SGK3: variants seen among roughly 807,000 people sequenced by gnomAD.
SGK3 encodes the protein serum/glucocorticoid regulated kinase family member 3.
Under a neutral mutation model 68.5 loss-of-function variants are expected in SGK3, and 47 were observed. That is an observed-to-expected ratio of 0.69 (90% CI 0.54 to 0.87). The LOEUF is 0.87. SGK3 is among the 40% of genes least tolerant of loss of function. The pLI is 0.00. For synonymous variants in SGK3, 181 were observed against 189.1 expected (o/e 0.96, Z 0.35); for missense variants, 479 against 575.5 (o/e 0.83, Z 1.72).
In SGK3 at chr8:66,859,845, T is replaced by A. The variant is rs1317422942; in HGVS notation, c.*264T>A. ...TATTATTCTTAGCATTAACCTATTT[T>A]TAAAGAAACCTTTTTTGCTATTGAC... On this transcript the variant is annotated 3_prime_UTR_variant, in exon 17 of 17. Transcript: ENST00000521198. The A allele has an allele frequency of 6.8e-6, 2 of 294,234 alleles. No homozygotes were observed. The highest frequency in any genetic ancestry group is 9.7e-5 in the Admixed American group (2 of 20,586). The allele number at this position is 294,234 out of a possible 1,614,324, so 18.2% of individuals were successfully genotyped here. A position where few individuals can be genotyped will look rare whatever the true frequency, so the allele number is the denominator to read the frequency against.
chr8:66,784,691 A>G (rs1262112000), intron 1 of SGK3, among the ~76,000 whole-genome samples: 1 of 152,316 alleles, frequency 6.6e-6, no homozygotes, highest in East Asian at 1.9e-4. Context: ...ATGATGAAGG[A>G]AAAAATCCTT....
At chr8:66,777,151 T>A (rs1401094069) in intron 1 of SGK3, among the ~76,000 whole-genome samples, 1 of 152,262 alleles carries the variant, frequency 6.6e-6, no homozygotes, top group East Asian at 1.9e-4. Context: ...TGTTAGTTGC[T>A]GACTCTTCCC....
chr8:66,821,279 A>G (rs1316082594), intron 5 of SGK3, among the ~76,000 whole-genome samples: 2 of 151,826 alleles, frequency 1.3e-5, no homozygotes, highest in African/African-American at 4.8e-5. Flanking sequence ...ATGTCTGTGT[A>G]TCTTTGGTAA....
rs1809501653 is a variant in SGK3 at position 66,835,788 on chromosome 8, A to G, written c.551A>G (p.Asp184Gly). The G allele has an allele frequency of 6.2e-7, 1 of 1,612,500 alleles. No homozygotes were observed. Among genetic ancestry groups the G allele is most frequent in the Non-Finnish European group, 8.5e-7 (1 of 1,179,626 alleles). The change falls in exon 9 of 17, where the codon GAT becomes GGT. Residue 184 changes from aspartate to glycine, a missense_variant. Coordinates refer to ENST00000521198, the MANE Select transcript of SGK3 (RefSeq NM_001033578.3). ...GKVLLAKRKL[D>G]GKFYAVKVLQ... Reference sequence around the variant, plus strand: ...GTTCTTCTTGCAAAACGGAAACTGGATGGAAAATTTTATGCTGTCAAAGTG... The same window carrying G: ...GTTCTTCTTGCAAAACGGAAACTGGGTGGAAAATTTTATGCTGTCAAAGTG...
In SGK3 at chr8:66,815,416, A is replaced by G. The variant is rs540433113; in HGVS notation, c.329+1488A>G. 7.6e-4 allele frequency among the ~76,000 whole-genome samples: 115 copies of G among 152,254 alleles called. 1 individual carries two copies. Among genetic ancestry groups the G allele is most frequent in the Non-Finnish European group, 1.2e-3 (79 of 68,014 alleles). On this transcript the variant is annotated intron_variant, in intron 5 of 16. Transcript: ENST00000521198. ...GGCATGAAATTTGGTAGGATACTTG[A>G]ACTCACAGTTCCCTTGTCTAGTCTC...
At position 66,781,050 on chromosome 8, in the gene SGK3, C is replaced by A. The variant is rs548762238; in HGVS notation, c.-121-12566C>A. Among the ~76,000 whole-genome samples, 3 of 152,256 alleles carry A rather than the reference C, an allele frequency of 2.0e-5. No individual in the cohort carries two copies. The East Asian group carries it at 5.8e-4, about 29-fold the overall frequency. On this transcript the variant is annotated intron_variant, in intron 1 of 16. Coordinates refer to ENST00000521198, the MANE Select transcript of SGK3 (RefSeq NM_001033578.3). Reference sequence around the variant, plus strand: ...TTCAGAACCAGCTTGACCGCAGGCCCCATCCATCTGCCAGTCACCACAGCC... The same window carrying A: ...TTCAGAACCAGCTTGACCGCAGGCCACATCCATCTGCCAGTCACCACAGCC...
intron 16 of SGK3, among the ~76,000 whole-genome samples, chr8:66,856,115 T>C (rs1810496826): frequency 6.6e-6 from 1 of 152,000 alleles, no homozygotes; most frequent in African/African-American, 2.4e-5. Flanking sequence ...TCACCCAGGC[T>C]GGAGTGCAGT....
intron 4 of SGK3, among the ~76,000 whole-genome samples, chr8:66,808,392 T>C (rs1164805046): frequency 1.3e-5 from 2 of 152,204 alleles, no homozygotes; most frequent in Non-Finnish European, 2.9e-5. Flanking sequence ...TACACTGCAT[T>C]CATTAGTGTT....
intron 1 of SGK3, among the ~76,000 whole-genome samples, chr8:66,774,458 G>A (rs1276730605): frequency 1.3e-5 from 2 of 152,030 alleles, no homozygotes; most frequent in Non-Finnish European, 2.9e-5. Context: ...GCCCTACTCG[G>A]TTATTGGCTT....
intron 1 of SGK3, among the ~76,000 whole-genome samples, chr8:66,792,329 C>CAAAAA (rs1215954300): frequency 7.5e-5 from 4 of 53,556 alleles, no homozygotes; most frequent in East Asian, 1.2e-3. Context: ...AACTCCATCT[C>CAAAAA]AAAAAAAAAA....
chr8:66,793,788 A>G lies in SGK3; in HGVS notation c.52A>G (p.Ile18Val). 6.2e-7 allele frequency: 1 copy of G among 1,613,608 alleles called. No individual in the cohort carries two copies. The highest frequency in any genetic ancestry group is 8.5e-7 in the Non-Finnish European group (1 of 1,179,664). Residue 18 changes from isoleucine (I) to valine (V), a missense_variant, in exon 2 of 17, where the codon ATT becomes GTT. Physicochemically the swap from Ile to Val is conservative, Grantham distance 29. This residue lies in a region of SGK3 where 298 missense variants were observed against 329.4 expected (regional missense o/e 0.90). Transcript: ENST00000521198. ...CAAGGAAAGCTGCCCAAGTGTAAGC[A>G]TTCCCAGCTCCGATGAACACAGAGA... ...DYKESCPSVS[I>V]PSSDEHREKK...
Position 66,807,161 on chromosome 8 carries a change from A to G in SGK3, c.253+2714A>G, listed in dbSNP as rs143169836. On this transcript the variant is annotated intron_variant, in intron 4 of 16. Coordinates refer to ENST00000521198, the MANE Select transcript of SGK3 (RefSeq NM_001033578.3). ...TCCTTTAATGAAAAATCTGGAATAC[A>G]TCTTGATGATTGCTTAGGTAACACA... is the stretch of plus-strand genomic sequence containing the variant. Among the ~76,000 whole-genome samples, 598 of 152,322 alleles carry G rather than the reference A, an allele frequency of 3.9e-3. 5 individuals carry two copies. Among genetic ancestry groups the G allele is most frequent in the African/African-American group, 0.014 (569 of 41,568 alleles).
chr8:66,843,762 G>A (rs1356917256), intron 14 of SGK3, among the ~76,000 whole-genome samples: 1 of 152,174 alleles, frequency 6.6e-6, no homozygotes, highest in Non-Finnish European at 1.5e-5. Flanking sequence ...GGGAGGCCAA[G>A]GCAGGCAGAT....
chr8:66,847,645 T>G (rs1002215077), intron 15 of SGK3, among the ~76,000 whole-genome samples: 1 of 152,180 alleles, frequency 6.6e-6, no homozygotes, highest in Non-Finnish European at 1.5e-5. Context: ...TAAAAAGTGT[T>G]GTGTGGCATA....
intron 16 of SGK3, among the ~76,000 whole-genome samples, chr8:66,853,054 C>G (rs1810357023): frequency 1.3e-5 from 2 of 151,846 alleles, no homozygotes; most frequent in African/African-American, 4.8e-5. Flanking sequence ...TTTTTTCTTT[C>G]ACAACATGAG....
chr8:66,820,581 T>C (rs1232257568), intron 5 of SGK3, among the ~76,000 whole-genome samples: 4 of 152,248 alleles, frequency 2.6e-5, no homozygotes, highest in Admixed American at 6.5e-5. Context: ...GGTTTGGAAT[T>C]GCAGGGTCAT....
At chr8:66,741,686 G>A (rs1329478467) in intron 1 of SGK3, among the ~76,000 whole-genome samples, 1 of 152,140 alleles carries the variant, frequency 6.6e-6, no homozygotes, top group Non-Finnish European at 1.5e-5. Context: ...GGACAACATA[G>A]TGAGACCCTG....
intron 3 of SGK3, among the ~76,000 whole-genome samples, chr8:66,799,232 A>G (rs1432358307): frequency 6.6e-6 from 1 of 152,218 alleles, no homozygotes; most frequent in Admixed American, 6.5e-5. Flanking sequence ...CATACTTGCT[A>G]AAGTAGGCAG....
intron 1 of SGK3, among the ~76,000 whole-genome samples, chr8:66,739,982 G>A (rs1355568209): frequency 6.6e-6 from 1 of 152,156 alleles, no homozygotes. Flanking sequence ...CAACATGTGG[G>A]GATTATGGGA....
Sources: gnomAD v4.1 joint callset for allele counts (sites outside exome capture counted in the v4.1 genomes callset) on GRCh38, gnomAD v4.1.1 for gene constraint, gnomAD v4.1.1 regional missense constraint, MANE v1.5 for transcripts, NCBI Gene and HGNC (gene_info 2026-07-23, HGNC 2026-07-21) for gene names.